Variants in RASAL2 observed in about 807,000 individuals in gnomAD.
RASAL2 encodes RAS protein activator like 2, also known as ras GTPase-activating protein nGAP.
A neutral mutation model predicts 128.9 loss-of-function variants in RASAL2; 58 were observed. The ratio of observed to expected loss-of-function variants is 0.45; its 90% CI spans 0.36 to 0.56. The LOEUF (loss-of-function observed/expected upper bound fraction) is 0.56, where lower values mean the gene tolerates loss of function less well. Ranked by LOEUF, RASAL2 falls within the 20% of genes least tolerant of loss-of-function variation. RASAL2 has a pLI of 0.00. For synonymous variants in RASAL2, 561 were observed against 580.8 expected, an observed-to-expected ratio of 0.97 and a Z score of 0.49; for missense variants, 1,360 against 1,601.6, an observed-to-expected ratio of 0.85 and a Z score of 2.57.
At chr1:178,233,542 A>G (rs1164163423) in intron 1 of RASAL2, among the ~76,000 whole-genome samples, 1 of 152,222 alleles carries the variant, frequency 6.6e-6, no homozygotes, top group Non-Finnish European at 1.5e-5. Context: ...TTGCAGAGTA[A>G]TAAAGGAGAC....
In RASAL2 at chr1:178,442,759, G is replaced by A. The variant is rs1338563572; in HGVS notation, c.1012G>A (p.Glu338Lys). ...TGCCCCTAAAAAGAAATATTTCTGC[G>A]AACTGTGCCTTGATGATACCCTCTT... ...DLAPKKKYFC[E>K]LCLDDTLFAR... is the part of the protein sequence containing the mutation. Residue 338 changes from glutamate (E) to lysine (K), a missense_variant, in exon 8 of 18, where the codon GAA (glutamate) becomes AAA (lysine). This residue lies in a region of RASAL2 where 617 missense variants were observed against 714.2 expected (regional missense o/e 0.86). Transcript: ENST00000367649. The A allele has an allele frequency of 5.0e-6, 8 of 1,613,694 alleles. No individual in the cohort carries two copies. The highest frequency in any genetic ancestry group is 6.8e-6 in the Non-Finnish European group (8 of 1,179,920).
intron 1 of RASAL2, among the ~76,000 whole-genome samples, chr1:178,277,453 C>T (rs1421127049): frequency 6.6e-6 from 1 of 152,162 alleles, no homozygotes; most frequent in African/African-American, 2.4e-5. Flanking sequence ...GCCACCGTTC[C>T]TGGCCAGATG....
chr1:178,171,832 T>C (rs929247663), intron 1 of RASAL2, among the ~76,000 whole-genome samples: 1 of 152,002 alleles, frequency 6.6e-6, no homozygotes, highest in Non-Finnish European at 1.5e-5. Context: ...CAAATTTGCC[T>C]TCTTACTTGG....
intron 5 of RASAL2, among the ~76,000 whole-genome samples, chr1:178,433,040 A>G (rs1044206335): frequency 6.6e-6 from 1 of 151,996 alleles, no homozygotes; most frequent in African/African-American, 2.4e-5. Context: ...CAAGTCTGTG[A>G]TCTCTCTCAA....
At chr1:178,458,915 T>G (rs1204838503) in intron 14 of RASAL2, among the ~76,000 whole-genome samples, 1 of 152,178 alleles carries the variant, frequency 6.6e-6, no homozygotes, top group Non-Finnish European at 1.5e-5. Flanking sequence ...CCTTCTTAAT[T>G]TTTTTTCTTA....
intron 1 of RASAL2, among the ~76,000 whole-genome samples, chr1:178,165,541 C>T (rs1661491676): frequency 6.6e-6 from 1 of 152,078 alleles, no homozygotes; most frequent in South Asian, 2.1e-4. Context: ...CAAGGGAAGT[C>T]CTGGAACTAA....
At chr1:178,213,506 A>G (rs969066134) in intron 1 of RASAL2, among the ~76,000 whole-genome samples, 1 of 152,234 alleles carries the variant, frequency 6.6e-6, no homozygotes, top group African/African-American at 2.4e-5. Flanking sequence ...ATGTTCATCA[A>G]CAGTGGAACA....
At chr1:178,408,749 A>C (rs183119459) in intron 4 of RASAL2, among the ~76,000 whole-genome samples, 1 of 152,214 alleles carries the variant, frequency 6.6e-6, no homozygotes, top group African/African-American at 2.4e-5. Context: ...GGGGAAAATA[A>C]GTTATGTTAT....
At chr1:178,175,437 CGTGTGTGTGTGTGT>C (rs1158552851) in intron 1 of RASAL2, among the ~76,000 whole-genome samples, 1 of 144,334 alleles carries the variant, frequency 6.9e-6, no homozygotes, top group South Asian at 2.3e-4. Flanking sequence ...TACATGGTTA[CGTGTGTGTGTGTGT>C]GTGTGTGTGT....
intron 14 of RASAL2, among the ~76,000 whole-genome samples, chr1:178,460,466 C>G (rs1678112051): frequency 6.6e-6 from 1 of 152,088 alleles, no homozygotes; most frequent in African/African-American, 2.4e-5. Context: ...ATACCTATCG[C>G]ATAAGCACAT....
intron 2 of RASAL2, among the ~76,000 whole-genome samples, chr1:178,293,748 A>G (rs996701243): frequency 6.6e-6 from 1 of 152,252 alleles, no homozygotes; most frequent in African/African-American, 2.4e-5. Flanking sequence ...GTAAAGTACA[A>G]GCTGTTAACT....
chr1:178,329,319 C>T (rs1669182932), intron 3 of RASAL2, among the ~76,000 whole-genome samples: 1 of 152,136 alleles, frequency 6.6e-6, no homozygotes, highest in Non-Finnish European at 1.5e-5. Flanking sequence ...TGGTGAAGAT[C>T]TGAAAGAAAA....
At chr1:178,418,273 G>A (rs919063108) in intron 4 of RASAL2, among the ~76,000 whole-genome samples, 1 of 152,140 alleles carries the variant, frequency 6.6e-6, no homozygotes, top group African/African-American at 2.4e-5. Context: ...TGTGATATAT[G>A]TATTATATGT....
At chr1:178,441,488 T>TAGG in intron 6 of RASAL2, 61 bp from the exon 7 acceptor site, 1 of 1,231,888 alleles carries the variant, frequency 8.1e-7, no homozygotes, top group Non-Finnish European at 1.2e-6. Flanking sequence ...CTGTGAACCC[T>TAGG]AATGACAGAG....
At chr1:178,432,966 C>T (rs1004569300) in intron 5 of RASAL2, among the ~76,000 whole-genome samples, 2 of 152,036 alleles carry the variant, frequency 1.3e-5, no homozygotes, top group African/African-American at 4.8e-5. Flanking sequence ...CCTTCTACCA[C>T]CTAAAGCCTT....
chr1:178,332,638 G>C (rs1218975922), intron 3 of RASAL2, among the ~76,000 whole-genome samples: 9 of 144,768 alleles, frequency 6.2e-5, no homozygotes, highest in Non-Finnish European at 1.2e-4. Flanking sequence ...TTGAGACGGA[G>C]TCTCACTCTG....
At chr1:178,130,821 A>G (rs889113361) in intron 1 of RASAL2, among the ~76,000 whole-genome samples, 11 of 152,140 alleles carry the variant, frequency 7.2e-5, no homozygotes, top group African/African-American at 1.9e-4. Flanking sequence ...TTGGGAGGCC[A>G]AGGCGGGCGG....
intron 2 of RASAL2, among the ~76,000 whole-genome samples, chr1:178,288,852 T>C (rs1436303549): frequency 6.6e-6 from 1 of 151,980 alleles, no homozygotes; most frequent in Non-Finnish European, 1.5e-5. Context: ...GGTTTCACCA[T>C]GTTGGCCAGG....
chr1:178,464,230 A>G, intron 14 of RASAL2, 48 bp from the exon 15 acceptor site: 1 of 1,551,660 alleles, frequency 6.4e-7, no homozygotes. Flanking sequence ...GAAACATAGC[A>G]CACGGGTGAG....
Sources: allele counts gnomAD v4.1 joint callset (sites outside exome capture counted in the v4.1 genomes callset), GRCh38; gene constraint gnomAD v4.1.1; regional missense constraint gnomAD v4.1.1; transcripts MANE v1.5; gene names NCBI Gene and HGNC (gene_info 2026-07-23, HGNC 2026-07-21).